The following BRINP3 variants were observed in gnomAD, a reference collection of about 807,000 sequenced individuals.
BRINP3 encodes the protein BMP/retinoic acid-inducible neural-specific protein 3.
Under a neutral mutation model 71.0 loss-of-function variants are expected in BRINP3, and 19 were observed. The ratio of observed to expected loss-of-function variants is 0.27; its 90% CI spans 0.19 to 0.39. The LOEUF (loss-of-function observed/expected upper bound fraction) is 0.39. Among genes scored for constraint, BRINP3 ranks in the 10% least tolerant of loss-of-function variants. BRINP3 has a pLI of 1.00. For missense variants in BRINP3, 959 were observed against 940.8 expected, an observed-to-expected ratio of 1.02 and a Z score of -0.25; for synonymous variants, 380 against 337.7, an observed-to-expected ratio of 1.13 and a Z score of -1.37.
intron 2 of BRINP3, among the ~76,000 whole-genome samples, chr1:190,328,379 C>T (rs1666746761): frequency 6.6e-6 from 1 of 151,912 alleles, no homozygotes; most frequent in African/African-American, 2.4e-5. Context: ...TATGACATTG[C>T]AATTGATCCC....
chr1:190,243,188 C>A (rs538947767), intron 4 of BRINP3, among the ~76,000 whole-genome samples: 20 of 152,188 alleles, frequency 1.3e-4, no homozygotes, highest in African/African-American at 4.3e-4. Context: ...ATAAGCAAAA[C>A]TGGACACAAT....
chr1:190,328,587 T>C (rs1315316601), intron 2 of BRINP3, among the ~76,000 whole-genome samples: 1 of 152,022 alleles, frequency 6.6e-6, no homozygotes, highest in Non-Finnish European at 1.5e-5. Flanking sequence ...AGCTGAATCA[T>C]ACCAGATATA....
chr1:190,376,840 T>C (rs1670215954), intron 2 of BRINP3, among the ~76,000 whole-genome samples: 4 of 152,044 alleles, frequency 2.6e-5, no homozygotes, highest in African/African-American at 9.7e-5. Context: ...TTAATGTTTG[T>C]GTTTGTTTTT....
intron 2 of BRINP3, among the ~76,000 whole-genome samples, chr1:190,425,983 G>A (rs919575215): frequency 6.6e-5 from 10 of 151,596 alleles, no homozygotes; most frequent in African/African-American, 2.4e-4. Flanking sequence ...AAATGCATTG[G>A]CATATACAAT....
chr1:190,344,079 A>G (rs748292412), intron 2 of BRINP3, among the ~76,000 whole-genome samples: 3 of 151,810 alleles, frequency 2.0e-5, no homozygotes, highest in Admixed American at 6.6e-5. Context: ...GATAAAACGA[A>G]CTATGTTTAT....
At chr1:190,266,730 G>A (rs944416675) in intron 3 of BRINP3, among the ~76,000 whole-genome samples, 2 of 152,122 alleles carry the variant, frequency 1.3e-5, no homozygotes, top group African/African-American at 4.8e-5. Flanking sequence ...GTGATAAGTC[G>A]TGAGAGTGCC....
chr1:190,154,324 T>C (rs1030296545), intron 7 of BRINP3, among the ~76,000 whole-genome samples: 1 of 152,134 alleles, frequency 6.6e-6, no homozygotes, highest in African/African-American at 2.4e-5. Context: ...TTCTGTCTAT[T>C]AGCTACTTAG....
chr1:190,312,470 G>A (rs1056389263), intron 2 of BRINP3, among the ~76,000 whole-genome samples: 1 of 151,506 alleles, frequency 6.6e-6, no homozygotes, highest in African/African-American at 2.4e-5. Context: ...CTGACATATT[G>A]AAATGAATAG....
intron 2 of BRINP3, among the ~76,000 whole-genome samples, chr1:190,294,782 T>G (rs1212100922): frequency 6.6e-6 from 1 of 152,072 alleles, no homozygotes; most frequent in South Asian, 2.1e-4. Flanking sequence ...TAAAGGGGAC[T>G]GCCTGTTGAG....
chr1:190,131,237 CTG>C (rs1421230944), intron 7 of BRINP3, among the ~76,000 whole-genome samples: 5 of 151,362 alleles, frequency 3.3e-5, no homozygotes, highest in Non-Finnish European at 5.9e-5. Flanking sequence ...CTACCAAAAG[CTG>C]TGTACAAAGC....
At chr1:190,401,418 C>CG (rs1304560169) in intron 2 of BRINP3, among the ~76,000 whole-genome samples, 3 of 143,366 alleles carry the variant, frequency 2.1e-5, no homozygotes, top group African/African-American at 5.1e-5. Context: ...AGCAAACAAT[C>CG]AAAAAGCTAG....
chr1:190,365,555 T>C (rs1282767709), intron 2 of BRINP3, among the ~76,000 whole-genome samples: 1 of 147,506 alleles, frequency 6.8e-6, no homozygotes. Context: ...AATTACAATA[T>C]AATTATATTT....
In BRINP3 at chr1:190,159,799, C is replaced by T. The variant is rs192776389; in HGVS notation, c.1184+869G>A. 4.2e-3 allele frequency among the ~76,000 whole-genome samples: 636 copies of T among 151,774 alleles called. 2 individuals are homozygous for T. The highest frequency in any genetic ancestry group is 0.014 in the African/African-American group (593 of 41,422). ...TGCATAGTTTTTTTTTTATACTAGA[C>T]ACCAATAAATTGTAAAACCAACCAA... is the stretch of plus-strand genomic sequence containing the variant. On this transcript the variant is annotated intron_variant, in intron 7 of 7. Coordinates refer to ENST00000367462, the MANE Select transcript of BRINP3 (RefSeq NM_199051.3).
chr1:190,144,117 G>T (rs929242454), intron 7 of BRINP3, among the ~76,000 whole-genome samples: 11 of 152,064 alleles, frequency 7.2e-5, no homozygotes, highest in Non-Finnish European at 1.5e-4. Context: ...AGGCATAGGA[G>T]ACACAAAATG....
rs370368224 is a variant in BRINP3, at chr1:190,098,924, G to A, written c.1395C>T (p.Thr465=). 7.7e-5 allele frequency: 125 copies of A among 1,614,050 alleles called. No individual in the cohort carries two copies. The highest frequency in any genetic ancestry group is 1.0e-4 in the Non-Finnish European group (121 of 1,180,034). Reference sequence around the variant, plus strand: ...AGAGCCCCTGGCTGAGCATGTAGCCGGTGTTGCAGGTGCCGCAGCGGGTGC... The same window carrying A: ...AGAGCCCCTGGCTGAGCATGTAGCCAGTGTTGCAGGTGCCGCAGCGGGTGC... ...DNRTRCGTCN[T]GYMLSQGLCK... Residue 465 remains threonine (T), a synonymous_variant, in exon 8 of 8, where the codon ACC becomes ACT. Coordinates refer to ENST00000367462, the MANE Select transcript of BRINP3 (RefSeq NM_199051.3).
chr1:190,239,780 T>G (rs551430976), intron 4 of BRINP3, among the ~76,000 whole-genome samples: 1 of 152,142 alleles, frequency 6.6e-6, no homozygotes, highest in Non-Finnish European at 1.5e-5. Context: ...TTATCAATCA[T>G]CCATGCATAT....
intron 6 of BRINP3, among the ~76,000 whole-genome samples, chr1:190,161,392 A>G (rs912249719): frequency 2.0e-5 from 3 of 151,514 alleles, no homozygotes; most frequent in Non-Finnish European, 4.4e-5. Context: ...TTTTAAATAT[A>G]AAATTTTAGA....
At chr1:190,197,922 A>C (rs1654635313) in intron 6 of BRINP3, among the ~76,000 whole-genome samples, 1 of 152,060 alleles carries the variant, frequency 6.6e-6, no homozygotes, top group Admixed American at 6.5e-5. Context: ...GCCTTAACAG[A>C]GGGTCCCCAT....
rs186820005 is a variant in BRINP3 at position 190,106,111 on chromosome 1, A to T, written c.1185-6977T>A. Reference sequence around the variant, plus strand: ...GTGATTGAGGAATATGGATACATGCAACTATTCTGCAAATAGGAGCCATCA... The same window carrying T: ...GTGATTGAGGAATATGGATACATGCTACTATTCTGCAAATAGGAGCCATCA... On this transcript the variant is annotated intron_variant, in intron 7 of 7. Coordinates refer to ENST00000367462, the MANE Select transcript of BRINP3 (RefSeq NM_199051.3). Among the ~76,000 whole-genome samples the T allele has an allele frequency of 6.6e-5, 10 of 151,974 alleles. No homozygotes were observed. In the East Asian group the frequency reaches 1.5e-3, roughly 23 times the overall value.
Sources: gnomAD v4.1 joint callset for allele counts (sites outside exome capture counted in the v4.1 genomes callset) on GRCh38, gnomAD v4.1.1 for gene constraint, MANE v1.5 for transcripts, NCBI Gene and HGNC (gene_info 2026-07-23, HGNC 2026-07-21) for gene names.